Variants in CCDC181 observed in about 807,000 individuals in gnomAD.
CCDC181 encodes the protein coiled-coil domain containing 181.
In CCDC181, 35 loss-of-function variants were observed where a neutral mutation model predicts 58.7. That is an observed-to-expected ratio of 0.60 (90% CI 0.46 to 0.79). CCDC181 has a LOEUF of 0.79. CCDC181 is among the 30% of genes least tolerant of loss of function. The pLI, the probability that CCDC181 is intolerant of heterozygous loss-of-function variation, is 0.00. For synonymous variants in CCDC181, 183 were observed against 197.5 expected (o/e 0.93, Z 0.62); for missense variants, 517 against 583.9 (o/e 0.89, Z 1.18).
At position 169,419,001 on chromosome 1, in the gene CCDC181, A is replaced by G; in HGVS notation, c.1215+12T>C. ...TCTGTATGAACTTATTTTTCAGAGA[A>G]GTTTTACTTACTCTACTGTTCATGT... On this transcript the variant is annotated intron_variant, in intron 4 of 5. Coordinates refer to ENST00000367806, the MANE Select transcript of CCDC181 (RefSeq NM_001300969.2). 1.3e-6 allele frequency: 2 copies of G among 1,598,670 alleles called. No homozygotes were observed. The highest frequency in any genetic ancestry group is 2.2e-5 in the South Asian group (2 of 90,284).
At chr1:169,406,949 T>A (rs762771103) in intron 4 of CCDC181, among the ~76,000 whole-genome samples, 1 of 147,102 alleles carries the variant, frequency 6.8e-6, no homozygotes, top group Admixed American at 6.9e-5. Flanking sequence ...ACTGAACAAA[T>A]GAAAAAAATT....
chr1:169,406,764 T>C (rs904199987), intron 4 of CCDC181, among the ~76,000 whole-genome samples: 2 of 150,956 alleles, frequency 1.3e-5, no homozygotes, highest in Non-Finnish European at 2.9e-5. Flanking sequence ...GTGGCACATG[T>C]ACCCTAGAAC....
intron 4 of CCDC181, among the ~76,000 whole-genome samples, chr1:169,414,290 G>T (rs927741532): frequency 1.2e-4 from 18 of 152,138 alleles, no homozygotes; most frequent in African/African-American, 4.3e-4. Flanking sequence ...AGTCCTAAAT[G>T]TATACCCACA....
intron 2 of CCDC181, among the ~76,000 whole-genome samples, chr1:169,448,507 C>G (rs1571517193): frequency 6.6e-6 from 1 of 151,948 alleles, no homozygotes; most frequent in African/African-American, 2.4e-5. Context: ...ATATCTCACT[C>G]TATTTTATTC....
chr1:169,419,279 C>G (rs1348528339), intron 3 of CCDC181, 120 bp from the exon 4 acceptor site: 6 of 1,239,472 alleles, frequency 4.8e-6, no homozygotes, highest in African/African-American at 3.1e-5. Context: ...AACTTTCCAT[C>G]AGAAAACTGG....
chr1:169,455,428 C>T (rs1657655776), intron 2 of CCDC181, among the ~76,000 whole-genome samples: 1 of 151,946 alleles, frequency 6.6e-6, no homozygotes. Flanking sequence ...TATTGATAAA[C>T]TGTTAGGTTT....
intron 4 of CCDC181, among the ~76,000 whole-genome samples, chr1:169,403,996 C>T (rs1280065916): frequency 1.3e-5 from 2 of 152,172 alleles, no homozygotes. Context: ...ACCGATCCCA[C>T]AGAAATACAA....
chr1:169,428,635 G>GT (rs1170657404), upstream of CCDC181, among the ~76,000 whole-genome samples: 3 of 151,822 alleles, frequency 2.0e-5, no homozygotes, highest in Admixed American at 6.6e-5. Context: ...AATATGTAGA[G>GT]TTTTTTTGTT....
chr1:169,398,816 T>C (rs1365954928), intron 4 of CCDC181, among the ~76,000 whole-genome samples: 1 of 152,182 alleles, frequency 6.6e-6, no homozygotes, highest in Non-Finnish European at 1.5e-5. Context: ...GACTGATTGA[T>C]TGACTGATCT....
intron 2 of CCDC181, among the ~76,000 whole-genome samples, chr1:169,454,789 A>C (rs1326181820): frequency 1.3e-5 from 2 of 152,034 alleles, no homozygotes; most frequent in African/African-American, 4.8e-5. Flanking sequence ...TCCCTGTCTT[A>C]CCAAAAAAGG....
intron 2 of CCDC181, among the ~76,000 whole-genome samples, chr1:169,436,465 G>T (rs768614365): frequency 2.6e-5 from 4 of 152,142 alleles, no homozygotes; most frequent in African/African-American, 9.7e-5. Flanking sequence ...GAGTGCTGTG[G>T]CACAGTCATG....
intron 4 of CCDC181, among the ~76,000 whole-genome samples, chr1:169,409,490 C>T (rs1308220155): frequency 6.6e-6 from 1 of 152,160 alleles, no homozygotes; most frequent in Non-Finnish European, 1.5e-5. Context: ...AGGAGAACTT[C>T]CCCAACCTAC....
intron 2 of CCDC181, among the ~76,000 whole-genome samples, chr1:169,436,679 T>C (rs1382235403): frequency 6.6e-6 from 1 of 152,234 alleles, no homozygotes; most frequent in Non-Finnish European, 1.5e-5. Flanking sequence ...TCACAATCTA[T>C]AGTGACAATC....
chr1:169,408,204 T>C (rs1655774805), intron 4 of CCDC181, among the ~76,000 whole-genome samples: 1 of 152,180 alleles, frequency 6.6e-6, no homozygotes, highest in Admixed American at 6.5e-5. Flanking sequence ...CAGTCTGAAG[T>C]CGACCTGGGA....
chr1:169,423,978 C>A (rs1656607370), intron 2 of CCDC181, among the ~76,000 whole-genome samples: 1 of 151,886 alleles, frequency 6.6e-6, no homozygotes, highest in Non-Finnish European at 1.5e-5. Context: ...TCCTCATAGT[C>A]TTTTCCTTAA....
At chr1:169,438,215 A>G (rs528183029) in intron 2 of CCDC181, among the ~76,000 whole-genome samples, 3 of 151,698 alleles carry the variant, frequency 2.0e-5, no homozygotes, top group Admixed American at 6.6e-5. Flanking sequence ...TTTTTTAAAT[A>G]TATTAATCAA....
chr1:169,411,469 G>C (rs1241772126), intron 4 of CCDC181, among the ~76,000 whole-genome samples: 1 of 151,934 alleles, frequency 6.6e-6, no homozygotes, highest in East Asian at 1.9e-4. Context: ...ACAAAGAGGA[G>C]CTGGTACCAT....
chr1:169,405,992 G>T (rs1441004145), intron 4 of CCDC181, among the ~76,000 whole-genome samples: 1 of 152,154 alleles, frequency 6.6e-6, no homozygotes, highest in Non-Finnish European at 1.5e-5. Context: ...TGAAGGATAT[G>T]AACAGACACT....
intron 1 of CCDC181, among the ~76,000 whole-genome samples, chr1:169,426,583 A>C (rs969445678): frequency 5.3e-5 from 8 of 152,236 alleles, no homozygotes; most frequent in African/African-American, 1.9e-4. Flanking sequence ...TGTATACATA[A>C]TTTTGATAAC....
Sources: gnomAD v4.1 joint callset for allele counts (sites outside exome capture counted in the v4.1 genomes callset) on GRCh38, gnomAD v4.1.1 for gene constraint, MANE v1.5 for transcripts, NCBI Gene and HGNC (gene_info 2026-07-23, HGNC 2026-07-21) for gene names.